PTPRN2: variants seen among roughly 807,000 people sequenced by gnomAD.
The protein encoded by PTPRN2 is receptor-type tyrosine-protein phosphatase N2.
Under a neutral mutation model 118.8 loss-of-function variants are expected in PTPRN2, and 74 were observed. The ratio of observed to expected loss-of-function variants is 0.62; its 90% CI spans 0.52 to 0.76. The LOEUF is 0.76. Among genes scored for constraint, PTPRN2 ranks in the 30% least tolerant of loss-of-function variants. The pLI, the probability that PTPRN2 is intolerant of heterozygous loss-of-function variation, is 0.00. For missense variants in PTPRN2, 1,481 were observed against 1,394.4 expected, an observed-to-expected ratio of 1.06 and a Z score of -0.99; for synonymous variants, 641 against 608.0, an observed-to-expected ratio of 1.05 and a Z score of -0.80.
chr7:158,167,403 C>T (rs558597134), intron 5 of PTPRN2, 112 bp from the exon 6 acceptor site: 4 of 1,349,406 alleles, frequency 3.0e-6, no homozygotes, highest in African/African-American at 1.5e-5. Flanking sequence ...CCTGGGGGTA[C>T]AAAGATGCCC....
In PTPRN2 at chr7:157,621,559, C is replaced by A. The variant is rs752656096; in HGVS notation, c.2197-50G>T. 5 of 1,598,426 alleles carry A rather than the reference C, an allele frequency of 3.1e-6. No individual in the cohort carries two copies. In the South Asian group the frequency reaches 5.5e-5, roughly 18 times the overall value. ...AGCGCACCTAGGTGGTGAGCCCAGACCGGCAGATGCACAAAAGGCAGCGGA... is the reference window on the plus strand; with the variant it reads ...AGCGCACCTAGGTGGTGAGCCCAGAACGGCAGATGCACAAAAGGCAGCGGA... On this transcript the variant is annotated intron_variant, in intron 14 of 22. Transcript: ENST00000389418.
intron 2 of PTPRN2, among the ~76,000 whole-genome samples, chr7:158,407,185 G>A (rs1208468471): frequency 5.1e-5 from 1 of 19,440 alleles, no homozygotes; most frequent in Non-Finnish European, 1.5e-4. Context: ...CCTGCGTCCT[G>A]GGTCCTGGGT....
chr7:158,199,509 G>A (rs138511639), intron 4 of PTPRN2, among the ~76,000 whole-genome samples: 13 of 152,298 alleles, frequency 8.5e-5, no homozygotes, highest in Non-Finnish European at 1.6e-4. Context: ...TCATTCTAAT[G>A]TCGCCTTTAT....
chr7:157,896,389 A>G (rs7802866), intron 12 of PTPRN2, among the ~76,000 whole-genome samples: 122,456 of 151,014 alleles, frequency 0.81, 49,830 homozygotes, highest in East Asian at 1. Flanking sequence ...GCGTGGGAAG[A>G]GCAGCTCTGT....
At chr7:158,500,964 G>A (rs1822317203) in intron 1 of PTPRN2, among the ~76,000 whole-genome samples, 3 of 152,264 alleles carry the variant, frequency 2.0e-5, no homozygotes, top group Admixed American at 1.3e-4. Flanking sequence ...ACGCGAGGGT[G>A]TGACAGGCTC....
At chr7:157,744,269 G>A (rs909595515) in intron 12 of PTPRN2, among the ~76,000 whole-genome samples, 6 of 152,136 alleles carry the variant, frequency 3.9e-5, no homozygotes, top group Admixed American at 2.0e-4. Flanking sequence ...TGGCCTCAAC[G>A]GGGTGAACAC....
rs1026524966 is a variant in PTPRN2, at chr7:157,615,490, A to G, written c.2344+5872T>C. 1 of 471,072 alleles carries G rather than the reference A, an allele frequency of 2.1e-6. No homozygotes were observed. The highest frequency in any genetic ancestry group is 2.0e-5 in the African/African-American group (1 of 50,080). 29.2% of individuals were successfully genotyped at this position (471,072 alleles called of 1,614,324 possible). A position where few individuals can be genotyped will look rare whatever the true frequency, so the allele number is the denominator to read the frequency against. ...GGAAACATCTGATGAGCCTTTGCCA[A>G]TATGCTCGGGACCTGGGGACGGCTG... On this transcript the variant is annotated intron_variant, in intron 15 of 22. Transcript: ENST00000389418. The surrounding 1 kb of genome is among the most constrained non-coding windows in gnomAD (Gnocchi z 4.3).
chr7:158,053,990 C>G (rs1330274910), intron 11 of PTPRN2, among the ~76,000 whole-genome samples: 1 of 150,884 alleles, frequency 6.6e-6, no homozygotes, highest in African/African-American at 2.4e-5. Flanking sequence ...GACGCAGAGA[C>G]CCCAGAGATG....
intron 2 of PTPRN2, among the ~76,000 whole-genome samples, chr7:158,385,992 T>A (rs113602252): frequency 2.7e-5 from 3 of 111,418 alleles, no homozygotes; most frequent in East Asian, 3.3e-4. Flanking sequence ...TCCCATGCCC[T>A]GAGTCCCTCC....
At chr7:158,470,036 T>C (rs943325622) in intron 2 of PTPRN2, among the ~76,000 whole-genome samples, 1 of 152,020 alleles carries the variant, frequency 6.6e-6, no homozygotes, top group Non-Finnish European at 1.5e-5. Flanking sequence ...TTTGTCCTAG[T>C]GCCTCATAAA....
In PTPRN2 at chr7:157,829,737, G is replaced by A. The variant is rs112353435; in HGVS notation, c.1788+68936C>T. Among the ~76,000 whole-genome samples, 88 of 152,320 alleles carry A rather than the reference G, an allele frequency of 5.8e-4. 1 individual carries two copies. The highest frequency in any genetic ancestry group is 2.1e-3 in the African/African-American group (86 of 41,558). ...CCAGCACCACCCCGTCCAGAGGGCC[G>A]GGAGAGCAGCCGCATTGAAGGTCGC... On this transcript the variant is annotated intron_variant, in intron 12 of 22. Coordinates refer to ENST00000389418, the MANE Select transcript of PTPRN2 (RefSeq NM_002847.5).
chr7:158,246,486 G>C (rs890461642), intron 3 of PTPRN2, among the ~76,000 whole-genome samples: 14 of 151,088 alleles, frequency 9.3e-5, no homozygotes, highest in Middle Eastern at 3.4e-3. Flanking sequence ...GGGAGAAGGA[G>C]GATGCTGGGG....
chr7:158,179,643 T>C (rs978873741), intron 5 of PTPRN2, among the ~76,000 whole-genome samples: 6 of 152,204 alleles, frequency 3.9e-5, no homozygotes, highest in Admixed American at 6.5e-5. Flanking sequence ...TGTTGATCCA[T>C]CTTGAGTTGA....
At chr7:157,658,981 C>T (rs961486031) in intron 13 of PTPRN2, among the ~76,000 whole-genome samples, 1 of 151,834 alleles carries the variant, frequency 6.6e-6, no homozygotes, top group South Asian at 2.1e-4. Context: ...TCAGGAAACA[C>T]TCCATGTGTC....
At chr7:157,908,021 C>A (rs905684583) in intron 11 of PTPRN2, among the ~76,000 whole-genome samples, 2 of 152,238 alleles carry the variant, frequency 1.3e-5, no homozygotes, top group African/African-American at 4.8e-5. Flanking sequence ...GGCCCACAGC[C>A]GCAGAGCCGC....
rs934375418 is a variant in PTPRN2, at chr7:157,869,039, C to T, written c.1788+29634G>A. 3.3e-5 allele frequency: 5 copies of T among 152,236 alleles called. No homozygotes were observed. The South Asian group carries it at 8.3e-4, about 25-fold the overall frequency. The allele number at this position is 152,236 out of a possible 1,614,324, so 9.4% of individuals were successfully genotyped here. A position where few individuals can be genotyped will look rare whatever the true frequency, so the allele number is the denominator to read the frequency against. On this transcript the variant is annotated intron_variant, in intron 12 of 22. Coordinates refer to ENST00000389418, the MANE Select transcript of PTPRN2 (RefSeq NM_002847.5). This position sits in a 1 kb window ranked among gnomAD's most constrained non-coding sequence, Gnocchi z 4.2. ...CCCAATGTCCCGAAACACCCTGACACGTGTAATTCCAAATCTGTAAGTACT... is the reference window on the plus strand; with the variant it reads ...CCCAATGTCCCGAAACACCCTGACATGTGTAATTCCAAATCTGTAAGTACT...
chr7:157,750,057 C>G (rs1276975243), intron 12 of PTPRN2, among the ~76,000 whole-genome samples: 2 of 151,938 alleles, frequency 1.3e-5, no homozygotes, highest in African/African-American at 4.8e-5. Context: ...TGTGGGCTCC[C>G]CAGGGGATTC....
At chr7:158,119,066 G>A (rs1027189962) in intron 9 of PTPRN2, among the ~76,000 whole-genome samples, 5 of 152,074 alleles carry the variant, frequency 3.3e-5, no homozygotes, top group Admixed American at 2.0e-4. Flanking sequence ...TTAGTTTAAC[G>A]TAAAATTTCT....
intron 2 of PTPRN2, among the ~76,000 whole-genome samples, chr7:158,336,402 A>T (rs1805538540): frequency 1.5e-5 from 2 of 136,126 alleles, no homozygotes; most frequent in Admixed American, 7.3e-5. Context: ...TCACACCCAC[A>T]CTCTCACAAT....
Sources: allele counts gnomAD v4.1 joint callset (sites outside exome capture counted in the v4.1 genomes callset), GRCh38; gene constraint gnomAD v4.1.1; non-coding constraint Gnocchi (gnomAD v3.1); transcripts MANE v1.5; gene names NCBI Gene and HGNC (gene_info 2026-07-23, HGNC 2026-07-21).